PTK2B: variants seen among roughly 807,000 people sequenced by gnomAD.
The protein encoded by PTK2B is protein tyrosine kinase 2 beta.
PTK2B carries 71 observed loss-of-function variants against 142.9 expected under a neutral mutation model. The observed-to-expected ratio is 0.50, with a 90% confidence interval of 0.41 to 0.61. The LOEUF is 0.61. Among genes scored for constraint, PTK2B ranks in the 20% least tolerant of loss-of-function variants. PTK2B has a pLI of 0.00. For synonymous variants in PTK2B, 519 were observed against 503.4 expected (o/e 1.03, Z -0.42); for missense variants, 1,105 against 1,320.4 (o/e 0.84, Z 2.53).
At chr8:27,391,073 A>G (rs1807691331) in intron 1 of PTK2B, among the ~76,000 whole-genome samples, 1 of 114,476 alleles carries the variant, frequency 8.7e-6, no homozygotes, top group Non-Finnish European at 1.8e-5. Flanking sequence ...CAAATCAGGA[A>G]CAGAACCTTT....
intron 24 of PTK2B, among the ~76,000 whole-genome samples, chr8:27,449,271 A>T (rs1811663063): frequency 6.6e-6 from 1 of 152,242 alleles, no homozygotes; most frequent in African/African-American, 2.4e-5. Flanking sequence ...CTTAATAAAT[A>T]ATTGTTGAAT....
intron 1 of PTK2B, among the ~76,000 whole-genome samples, chr8:27,388,608 G>C (rs1246529187): frequency 1.3e-5 from 2 of 152,238 alleles, no homozygotes; most frequent in Non-Finnish European, 2.9e-5. Context: ...TGTTCAGACA[G>C]TGGTGTGCTG....
chr8:27,454,108 C>T lies in PTK2B; in HGVS notation c.2596-46C>T, dbSNP rs192605171. Reference sequence around the variant, plus strand: ...CTGCCCAGGAAAGAATCATTCCGTGCCCCTGGCTCTCCCCAACTCACTGGC... The same window carrying T: ...CTGCCCAGGAAAGAATCATTCCGTGTCCCTGGCTCTCCCCAACTCACTGGC... On this transcript the variant is annotated intron_variant, in intron 28 of 30. Transcript: ENST00000346049. 38 of 1,611,054 alleles carry T rather than the reference C, an allele frequency of 2.4e-5. No homozygotes were observed. In the African/African-American group the frequency reaches 4.0e-4, roughly 17 times the overall value.
At chr8:27,311,044 C>A (rs142139999), upstream of PTK2B, 1 of 1,599,746 alleles carries the variant, frequency 6.3e-7, no homozygotes, top group African/African-American at 1.3e-5. Flanking sequence ...CGGCGGGTGA[C>A]GCGCGGTCTT....
intron 1 of PTK2B, among the ~76,000 whole-genome samples, chr8:27,382,240 A>T (rs1176022641): frequency 6.6e-6 from 1 of 152,018 alleles, no homozygotes; most frequent in Non-Finnish European, 1.5e-5. Flanking sequence ...GAGCCACCAC[A>T]CCTGGTTATA....
intron 5 of PTK2B, among the ~76,000 whole-genome samples, chr8:27,425,527 C>T (rs1235103855): frequency 6.6e-6 from 1 of 152,054 alleles, no homozygotes; most frequent in Non-Finnish European, 1.5e-5. Context: ...CCCCCTTCCC[C>T]ACACATGCAC....
intron 1 of PTK2B, among the ~76,000 whole-genome samples, chr8:27,358,686 A>G (rs2130712149): frequency 6.6e-6 from 1 of 152,200 alleles, no homozygotes; most frequent in Non-Finnish European, 1.5e-5. Context: ...GTATATGTAT[A>G]CTACATTATT....
intron 30 of PTK2B, among the ~76,000 whole-genome samples, chr8:27,457,830 C>G (rs1009850348): frequency 6.6e-6 from 1 of 152,054 alleles, no homozygotes; most frequent in African/African-American, 2.4e-5. Context: ...CAAAAATTAG[C>G]CAGGCGTAAT....
chr8:27,406,948 T>C (rs1808751504), intron 2 of PTK2B, among the ~76,000 whole-genome samples: 1 of 152,088 alleles, frequency 6.6e-6, no homozygotes, highest in Non-Finnish European at 1.5e-5. Context: ...TAGGGGGACT[T>C]TGGGGGGAAA....
chr8:27,434,152 G>C lies in PTK2B; in HGVS notation c.1145+20G>C. ...CATGCTGTGAGTACAATGGGGTGCA[G>C]AGGACAGGGCCCTGAGCTCAGCCTG... On this transcript the variant is annotated intron_variant, in intron 12 of 30. Coordinates refer to ENST00000346049, the MANE Select transcript of PTK2B (RefSeq NM_173176.3). The C allele has an allele frequency of 6.2e-7, 1 of 1,612,828 alleles. No individual in the cohort carries two copies. Among genetic ancestry groups the C allele is most frequent in the South Asian group, 1.1e-5 (1 of 91,068 alleles).
At chr8:27,343,591 A>G (rs2130180477) in intron 1 of PTK2B, among the ~76,000 whole-genome samples, 1 of 152,320 alleles carries the variant, frequency 6.6e-6, no homozygotes, top group East Asian at 1.9e-4. Context: ...CACAGAATGC[A>G]CCTTCAGCCA....
At chr8:27,430,201 T>C (rs942858087) in intron 6 of PTK2B, 46 bp downstream of exon 6, 20 of 1,590,388 alleles carry the variant, frequency 1.3e-5, no homozygotes, top group African/African-American at 4.0e-5. Context: ...TGTCCTTCCA[T>C]GTGTACTTTT....
chr8:27,365,035 A>G (rs555417792), intron 1 of PTK2B, among the ~76,000 whole-genome samples: 1 of 152,192 alleles, frequency 6.6e-6, no homozygotes, highest in East Asian at 1.9e-4. Context: ...GCTCATATAC[A>G]TTCTAAGTTT....
intron 1 of PTK2B, among the ~76,000 whole-genome samples, chr8:27,341,373 G>C (rs779438222): frequency 1.8e-4 from 27 of 152,198 alleles, no homozygotes; most frequent in Non-Finnish European, 2.9e-4. Context: ...ATGCGGAGAA[G>C]TTTTAGGGAA....
chr8:27,428,536 A>G (rs1810221302), intron 5 of PTK2B, among the ~76,000 whole-genome samples: 1 of 152,138 alleles, frequency 6.6e-6, no homozygotes. Context: ...CTCTTCTTGG[A>G]TCAAATTCCC....
intron 15 of PTK2B, among the ~76,000 whole-genome samples, chr8:27,436,875 A>C (rs543442110): frequency 9.8e-5 from 15 of 152,324 alleles, no homozygotes; most frequent in African/African-American, 3.6e-4. Flanking sequence ...CAGTGTCCTC[A>C]TCTGGATGGC....
intron 1 of PTK2B, among the ~76,000 whole-genome samples, chr8:27,392,342 CAGG>C (rs1425686124): frequency 2.1e-5 from 3 of 145,978 alleles, no homozygotes; most frequent in African/African-American, 7.6e-5. Flanking sequence ...GCACTACTGA[CAGG>C]AGGAGCAAGA....
At chr8:27,453,930 G>A in intron 28 of PTK2B, 2 of 562,374 alleles carry the variant, frequency 3.6e-6, no homozygotes, top group East Asian at 3.2e-5. Context: ...CTAATAGTCT[G>A]TTGTGAGGCT....
chr8:27,435,234 G>A (rs764720666), intron 13 of PTK2B, among the ~76,000 whole-genome samples: 3 of 152,204 alleles, frequency 2.0e-5, no homozygotes, highest in South Asian at 2.1e-4. Context: ...GTGGGCTCAC[G>A]TGATGAACAG....
Sources: gnomAD v4.1 joint callset for allele counts (sites outside exome capture counted in the v4.1 genomes callset) on GRCh38, gnomAD v4.1.1 for gene constraint, MANE v1.5 for transcripts, NCBI Gene and HGNC (gene_info 2026-07-23, HGNC 2026-07-21) for gene names.